Variants in ARGFX observed in about 807,000 individuals in gnomAD.
ARGFX encodes the protein arginine-fifty homeobox.
In ARGFX, 10 loss-of-function variants were observed where a neutral mutation model predicts 8.0. The observed-to-expected ratio is 1.25, with a 90% CI of 0.77 to 2.12. The LOEUF is 2.12. Ranked by LOEUF, ARGFX falls within the 30% of genes most tolerant of loss-of-function variation. ARGFX has a pLI of 0.00. For synonymous variants in ARGFX, 116 were observed against 117.8 expected, an observed-to-expected ratio of 0.98 and a Z score of 0.10; for missense variants, 282 against 324.3, an observed-to-expected ratio of 0.87 and a Z score of 1.00.
Position 121,569,064 on chromosome 3 carries a change from G to A in ARGFX, c.-13+1051G>A, listed in dbSNP as rs183223739. 7.6e-4 allele frequency among the ~76,000 whole-genome samples: 116 copies of A among 152,212 alleles called. 3 individuals carry two copies. The highest frequency in any genetic ancestry group is 6.5e-4 in the Admixed American group (10 of 15,298). ...CCTTTCAAAATAAAATGATAAATGC[G>A]TGACGTGTTAACTATATTTTCCACA... is the stretch of plus-strand genomic sequence containing the variant. On this transcript the variant is annotated intron_variant, in intron 1 of 4. Transcript: ENST00000334384.
At chr3:121,570,364 TG>T (rs2048700435) in intron 1 of ARGFX, among the ~76,000 whole-genome samples, 1 of 152,250 alleles carries the variant, frequency 6.6e-6, no homozygotes, top group Non-Finnish European at 1.5e-5. Flanking sequence ...GAACTGTCTT[TG>T]TTTCTGATGA....
intron 1 of ARGFX, among the ~76,000 whole-genome samples, chr3:121,569,442 T>C (rs546527279): frequency 6.7e-6 from 1 of 148,878 alleles, no homozygotes; most frequent in African/African-American, 2.5e-5. Flanking sequence ...CTCAGCTCAC[T>C]GCAACCTCTG....
chr3:121,581,160 G>T (rs953437905), intron 3 of ARGFX, among the ~76,000 whole-genome samples: 2 of 152,036 alleles, frequency 1.3e-5, no homozygotes, highest in Admixed American at 1.3e-4. Context: ...TAAAGATGGG[G>T]TTTCGCCATG....
intron 4 of ARGFX, among the ~76,000 whole-genome samples, chr3:121,585,526 G>A (rs2048806789): frequency 6.6e-6 from 1 of 151,642 alleles, no homozygotes; most frequent in South Asian, 2.1e-4. Flanking sequence ...TTTTTTCAGA[G>A]ATGGGGTCTC....
intron 3 of ARGFX, among the ~76,000 whole-genome samples, chr3:121,577,226 C>CATATATATAT (rs71133554): frequency 2.4e-3 from 207 of 86,968 alleles, no homozygotes; most frequent in East Asian, 2.6e-3. Flanking sequence ...TCTACATGTA[C>CATATATATAT]ATATATATAT....
chr3:121,587,664 TTTG>T lies in ARGFX; in HGVS notation c.*1067_*1069del, dbSNP rs1171886394. ...TTTGTTTCCAATTTTTCATTTTTTG[TTTG>T]TTATTTGTTTTTTGTAGACAGCACT... On this transcript the variant is annotated 3_prime_UTR_variant, in exon 5 of 5. Coordinates refer to ENST00000334384, the MANE Select transcript of ARGFX (RefSeq NM_001012659.2). Among the ~76,000 whole-genome samples the T allele has an allele frequency of 1.3e-4, 19 of 151,588 alleles. No homozygotes were observed. The highest frequency in any genetic ancestry group is 4.6e-4 in the African/African-American group (19 of 41,480).
At chr3:121,577,444 G>A (rs1009991236) in intron 3 of ARGFX, among the ~76,000 whole-genome samples, 1 of 151,414 alleles carries the variant, frequency 6.6e-6, no homozygotes, top group Admixed American at 6.6e-5. Flanking sequence ...AGTAGAGACA[G>A]GGTTTCACCA....
intron 2 of ARGFX, among the ~76,000 whole-genome samples, chr3:121,575,439 T>C (rs1201567147): frequency 6.6e-6 from 1 of 152,260 alleles, no homozygotes; most frequent in Non-Finnish European, 1.5e-5. Flanking sequence ...GTAGCCTATG[T>C]TGCAGAATAT....
intron 3 of ARGFX, among the ~76,000 whole-genome samples, chr3:121,580,604 A>ATATATT (rs2048772507): frequency 3.1e-5 from 3 of 96,214 alleles, no homozygotes; most frequent in African/African-American, 1.1e-4. Context: ...GTATATATAT[A>ATATATT]TATTTTTTTT....
At chr3:121,585,877 G>A (rs1172896128) in intron 4 of ARGFX, 145 bp from the exon 5 acceptor site, 9 of 722,770 alleles carry the variant, frequency 1.2e-5, no homozygotes, top group Non-Finnish European at 2.0e-5. Context: ...CTCCAGTCAT[G>A]CCCATCTCTG....
intron 2 of ARGFX, among the ~76,000 whole-genome samples, chr3:121,572,653 A>G (rs959467031): frequency 5.3e-5 from 8 of 152,236 alleles, no homozygotes; most frequent in Admixed American, 5.2e-4. Flanking sequence ...AAAAAAGTCT[A>G]TCCAAAAATT....
intron 3 of ARGFX, among the ~76,000 whole-genome samples, chr3:121,584,656 G>T (rs977674604): frequency 2.6e-5 from 4 of 152,174 alleles, no homozygotes; most frequent in African/African-American, 9.7e-5. Flanking sequence ...TGAACAGACT[G>T]AGTACACAGA....
chr3:121,575,640 A>G (rs1576441462), intron 2 of ARGFX, among the ~76,000 whole-genome samples: 1 of 151,870 alleles, frequency 6.6e-6, no homozygotes, highest in Admixed American at 6.6e-5. Context: ...TAGGTTGGGC[A>G]CAGTGCCTCA....
chr3:121,576,486 G>A (rs2048736673), intron 2 of ARGFX, among the ~76,000 whole-genome samples: 1 of 151,896 alleles, frequency 6.6e-6, no homozygotes, highest in South Asian at 2.1e-4. Context: ...TTACAGGTGT[G>A]CGCCACCATG....
At chr3:121,585,996 A>G (rs774751094) in intron 4 of ARGFX, 26 bp from the exon 5 acceptor site, 4 of 1,546,256 alleles carry the variant, frequency 2.6e-6, no homozygotes, top group Non-Finnish European at 1.7e-6. Flanking sequence ...ACAGACCACA[A>G]TCTCCCCCTC....
At chr3:121,583,851 G>A (rs571155273) in intron 3 of ARGFX, among the ~76,000 whole-genome samples, 49 of 151,878 alleles carry the variant, frequency 3.2e-4, no homozygotes, top group Non-Finnish European at 6.3e-4. Flanking sequence ...TTTCCCCAAA[G>A]TAGTGAATAG....
intron 1 of ARGFX, among the ~76,000 whole-genome samples, chr3:121,569,099 A>T (rs1413373455): frequency 5.9e-5 from 9 of 152,336 alleles, no homozygotes; most frequent in Admixed American, 1.3e-4. Flanking sequence ...ACACAAAAAA[A>T]AATTGTGAGA....
At chr3:121,585,773 C>T (rs186907022) in intron 4 of ARGFX, among the ~76,000 whole-genome samples, 309 of 152,248 alleles carry the variant, frequency 2.0e-3, no homozygotes, top group Non-Finnish European at 3.6e-3. Context: ...GAGTTCAGGA[C>T]CCTATCTCTG....
intron 3 of ARGFX, among the ~76,000 whole-genome samples, chr3:121,578,912 C>G (rs902599887): frequency 9.9e-5 from 15 of 151,334 alleles, no homozygotes; most frequent in African/African-American, 3.6e-4. Flanking sequence ...CTCCTGACCT[C>G]GTGATCCACC....
Sources: allele counts gnomAD v4.1 joint callset (sites outside exome capture counted in the v4.1 genomes callset), GRCh38; gene constraint gnomAD v4.1.1; transcripts MANE v1.5; gene names NCBI Gene and HGNC (gene_info 2026-07-23, HGNC 2026-07-21).